AFG1L: variants seen among roughly 807,000 people sequenced by gnomAD.
AFG1L encodes AFG1 like ATPase, also known as AFG1-like ATPase.
AFG1L carries 53 observed loss-of-function variants against 62.2 expected under a neutral mutation model. The observed-to-expected ratio is 0.85, with a 90% confidence interval of 0.68 to 1.07. The LOEUF is 1.07. AFG1L is among the 50% of genes least tolerant of loss of function. AFG1L has a pLI of 0.00. For missense variants in AFG1L, 555 were observed against 590.5 expected (o/e 0.94, Z 0.62); for synonymous variants, 228 against 210.3 (o/e 1.08, Z -0.73).
At chr6:108,447,938 A>G (rs1381650491) in intron 8 of AFG1L, among the ~76,000 whole-genome samples, 1 of 152,126 alleles carries the variant, frequency 6.6e-6, no homozygotes, top group Non-Finnish European at 1.5e-5. Flanking sequence ...ATATGCCAAC[A>G]GTGTTGGGCA....
At chr6:108,390,867 G>C (rs186174761) in intron 6 of AFG1L, among the ~76,000 whole-genome samples, 98 of 152,262 alleles carry the variant, frequency 6.4e-4, no homozygotes, top group African/African-American at 2.2e-3. Context: ...CTCCATACTG[G>C]GAGAACCACT....
chr6:108,464,326 T>C (rs1772584186), intron 8 of AFG1L, among the ~76,000 whole-genome samples: 3 of 152,226 alleles, frequency 2.0e-5, no homozygotes, highest in African/African-American at 7.2e-5. Flanking sequence ...TTTTTTGACA[T>C]GTTCTGTTTC....
At chr6:108,300,583 TTAG>T (rs1776949798) in intron 1 of AFG1L, among the ~76,000 whole-genome samples, 2 of 152,248 alleles carry the variant, frequency 1.3e-5, no homozygotes, top group South Asian at 4.1e-4. Context: ...GTACAATTTA[TTAG>T]TAGTACATAT....
intron 3 of AFG1L, among the ~76,000 whole-genome samples, chr6:108,350,955 TCC>T (rs879529177): frequency 2.6e-4 from 39 of 152,194 alleles, no homozygotes; most frequent in Admixed American, 4.6e-4. Flanking sequence ...AACCTATTCC[TCC>T]TGTGCTACAA....
At chr6:108,426,971 G>A in intron 7 of AFG1L, among the ~76,000 whole-genome samples, 1 of 151,976 alleles carries the variant, frequency 6.6e-6, no homozygotes, top group East Asian at 1.9e-4. Context: ...CAAACATATA[G>A]TTTTGTTTTG....
chr6:108,323,737 A>T, intron 1 of AFG1L, 88 bp from the exon 2 acceptor site: 1 of 884,368 alleles, frequency 1.1e-6, no homozygotes, highest in Non-Finnish European at 1.8e-6. Context: ...GTAACTAGTT[A>T]AAAGTTTGAA....
intron 3 of AFG1L, among the ~76,000 whole-genome samples, chr6:108,348,059 G>GGTTTT (rs1006397451): frequency 3.3e-5 from 5 of 152,022 alleles, no homozygotes; most frequent in Non-Finnish European, 7.4e-5. Context: ...TGAATAAGTA[G>GGTTTT]GTTTTGTTTT....
intron 8 of AFG1L, among the ~76,000 whole-genome samples, chr6:108,471,910 C>A (rs1039623266): frequency 6.6e-6 from 1 of 152,106 alleles, no homozygotes; most frequent in Non-Finnish European, 1.5e-5. Flanking sequence ...ACAGAGCATA[C>A]TGGGAAAGCA....
chr6:108,322,979 G>A (rs1228518503), intron 1 of AFG1L, among the ~76,000 whole-genome samples: 1 of 152,190 alleles, frequency 6.6e-6, no homozygotes, highest in Admixed American at 6.5e-5. Context: ...CACTCTTGCT[G>A]TGTCTCAATT....
chr6:108,501,824 C>T (rs1050558578), intron 10 of AFG1L, among the ~76,000 whole-genome samples: 11 of 152,018 alleles, frequency 7.2e-5, no homozygotes, highest in African/African-American at 2.7e-4. Flanking sequence ...CCACTGGAAC[C>T]GATGAGTCGC....
intron 1 of AFG1L, chr6:108,295,608 C>A (rs975848661): frequency 5.3e-5 from 9 of 170,660 alleles, no homozygotes; most frequent in African/African-American, 2.1e-4. Flanking sequence ...AAGAGCCGCG[C>A]CTGGGACCTC....
intron 7 of AFG1L, among the ~76,000 whole-genome samples, chr6:108,406,444 G>A (rs1227516967): frequency 6.6e-6 from 1 of 151,584 alleles, no homozygotes. Flanking sequence ...TTGATTGACT[G>A]ATTGATTGAC....
chr6:108,421,630 C>T (rs1430416860), intron 7 of AFG1L, among the ~76,000 whole-genome samples: 2 of 151,920 alleles, frequency 1.3e-5, no homozygotes, highest in Non-Finnish European at 2.9e-5. Flanking sequence ...GGACCCTGCA[C>T]CCCCCCTGTC....
chr6:108,384,061 TAAAAAAAAAA>T (rs541978025), intron 6 of AFG1L, among the ~76,000 whole-genome samples: 1 of 80,104 alleles, frequency 1.2e-5, no homozygotes, highest in South Asian at 3.4e-4. Flanking sequence ...TCCTGGAGAG[TAAAAAAAAAA>T]AAAAAAAAAG....
At position 108,323,817 on chromosome 6, in the gene AFG1L, GT is replaced by G; in HGVS notation, c.140-5del. On this transcript the variant is annotated splice_region_variant and splice_polypyrimidine_tract_variant and intron_variant, in intron 1 of 12. Coordinates refer to ENST00000368977, the MANE Select transcript of AFG1L (RefSeq NM_145315.5). ...AGAAAGTCTAAAATTTTATGTTTTT[GT>G]TTATAGCCTATACGGTTCAGACATC... 1 of 1,602,378 alleles carries G rather than the reference GT, an allele frequency of 6.2e-7. No individual in the cohort carries two copies. The highest frequency in any genetic ancestry group is 1.1e-5 in the South Asian group (1 of 90,380).
chr6:108,506,591 T>G (rs1023935118), intron 10 of AFG1L, among the ~76,000 whole-genome samples: 5 of 151,988 alleles, frequency 3.3e-5, no homozygotes, highest in African/African-American at 1.2e-4. Flanking sequence ...TGTTATAATC[T>G]CCAACTCCTG....
intron 10 of AFG1L, among the ~76,000 whole-genome samples, chr6:108,485,664 T>A (rs1231797096): frequency 0.01 from 437 of 42,944 alleles, 1 homozygote; most frequent in Non-Finnish European, 0.014. Context: ...ATATTTTTTT[T>A]TTTTTTTTTT....
chr6:108,350,681 C>T (rs549855444), intron 3 of AFG1L, among the ~76,000 whole-genome samples: 1 of 152,302 alleles, frequency 6.6e-6, no homozygotes, highest in East Asian at 1.9e-4. Context: ...AACAGAGCCT[C>T]AGCTCTTGAC....
intron 7 of AFG1L, among the ~76,000 whole-genome samples, chr6:108,423,117 CTG>C (rs1770674525): frequency 6.6e-6 from 1 of 151,966 alleles, no homozygotes. Context: ...TGTTGTAGGA[CTG>C]TGTAAAAATT....
Sources: allele counts gnomAD v4.1 joint callset (sites outside exome capture counted in the v4.1 genomes callset), GRCh38; gene constraint gnomAD v4.1.1; transcripts MANE v1.5; gene names NCBI Gene and HGNC (gene_info 2026-07-23, HGNC 2026-07-21).